MGAM: variants seen among roughly 807,000 people sequenced by gnomAD.
MGAM encodes alpha-1,4-glucosidase.
A neutral mutation model predicts 358.8 loss-of-function variants in MGAM; 253 were observed. The ratio of observed to expected loss-of-function variants is 0.71; its 90% CI spans 0.64 to 0.78. The LOEUF (loss-of-function observed/expected upper bound fraction) is 0.78, where lower values mean the gene tolerates loss of function less well. Ranked by LOEUF, MGAM falls within the 30% of genes least tolerant of loss-of-function variation. MGAM has a pLI of 0.00. For missense variants in MGAM, 3,080 were observed against 3,432.6 expected (o/e 0.90, Z 2.57); for synonymous variants, 1,105 against 1,227.1 (o/e 0.90, Z 2.08).
chr7:142,021,034 A>G lies in MGAM; in HGVS notation c.509A>G (p.Asn170Ser), dbSNP rs782073483. Residue 170 changes from asparagine (N) to serine (S), a missense_variant, in exon 5 of 71, where the codon AAT (asparagine) becomes AGT (serine). Physicochemically the swap from Asn to Ser is conservative, Grantham distance 46. Around this residue, in one of 5 missense-constraint regions of MGAM, gnomAD observed 1,816 missense variants for 1,840.5 expected, o/e 0.99. Transcript: ENST00000475668. ...SSPVFGSNVD[N>S]VLLTAEYQTS... ...CCAGTGTTTGGAAGCAATGTTGACAATGTTCTTCTCACAGCAGAATATCAG... is the reference window on the plus strand; with the variant it reads ...CCAGTGTTTGGAAGCAATGTTGACAGTGTTCTTCTCACAGCAGAATATCAG... The G allele has an allele frequency of 6.2e-7, 1 of 1,613,506 alleles. No homozygotes were observed. The highest frequency in any genetic ancestry group is 8.5e-7 in the Non-Finnish European group (1 of 1,179,706).
chr7:142,009,053 G>A (rs2128985594), intron 3 of MGAM, among the ~76,000 whole-genome samples: 1 of 152,234 alleles, frequency 6.6e-6, no homozygotes, highest in Middle Eastern at 3.4e-3. Context: ...TCTTTTATAT[G>A]GCAACACTAC....
chr7:141,999,382 G>A (rs904926055), intron 1 of MGAM, among the ~76,000 whole-genome samples: 1 of 152,112 alleles, frequency 6.6e-6, no homozygotes, highest in Non-Finnish European at 1.5e-5. Flanking sequence ...GTACACTGTG[G>A]GGCATTATAG....
chr7:142,094,563 G>C, intron 61 of MGAM, 57 bp from the exon 62 acceptor site: 1 of 1,557,468 alleles, frequency 6.4e-7, no homozygotes, highest in East Asian at 2.3e-5. Flanking sequence ...GGGAAGAGGT[G>C]AGGAGGCAGG....
chr7:142,083,932 G>T (rs552999345), intron 53 of MGAM, among the ~76,000 whole-genome samples: 1 of 144,430 alleles, frequency 6.9e-6, no homozygotes. Context: ...TGACAGTGGG[G>T]TGGTGTGAAG....
chr7:141,990,656 CTTTT>C (rs527543926), intron 2 of MGAM, among the ~76,000 whole-genome samples: 1 of 150,908 alleles, frequency 6.6e-6, no homozygotes, highest in Non-Finnish European at 1.5e-5. Flanking sequence ...TCTGTTATTT[CTTTT>C]TTTTTATGTT....
chr7:142,079,919 G>A (rs1230617631), intron 49 of MGAM, among the ~76,000 whole-genome samples: 1 of 146,478 alleles, frequency 6.8e-6, no homozygotes, highest in East Asian at 2.0e-4. Flanking sequence ...TAATGGGTTT[G>A]AAGTGAATGA....
chr7:142,103,219 A>G, intron 69 of MGAM, 50 bp from the exon 70 acceptor site: 1 of 1,442,802 alleles, frequency 6.9e-7, no homozygotes, highest in Non-Finnish European at 9.3e-7. Flanking sequence ...GGTTAGAAAA[A>G]TTTGAACTAA....
chr7:142,027,157 T>A lies in MGAM; in HGVS notation c.1025T>A (p.Ile342Asn), dbSNP rs200058369. The change falls in exon 9 of 71, where the codon ATT (isoleucine) becomes AAT (asparagine). Residue 342 changes from isoleucine (I) to asparagine (N), a missense_variant. Physicochemically the swap from Ile to Asn is moderately radical, Grantham distance 149. Coordinates refer to ENST00000475668, the MANE Select transcript of MGAM (RefSeq NM_001365693.1). Reference protein sequence around the residue: ...QPAPAITYRTIGGILDFYVFL... With the variant: ...QPAPAITYRTNGGILDFYVFL... ...GCGCCAGCCATCACTTACCGCACCATTGGGGGCATTCTCGACTTCTATGTG... is the reference window on the plus strand; with the variant it reads ...GCGCCAGCCATCACTTACCGCACCAATGGGGGCATTCTCGACTTCTATGTG... 26 of 1,613,660 alleles carry A rather than the reference T, an allele frequency of 1.6e-5. No homozygotes were observed. Among genetic ancestry groups the A allele is most frequent in the Non-Finnish European group, 5.1e-6 (6 of 1,179,712 alleles).
rs1403763422 is a variant in MGAM, at chr7:142,040,172, G to A, written c.2373+1G>A. 3.1e-6 allele frequency: 5 copies of A among 1,610,054 alleles called. No individual in the cohort carries two copies. The highest frequency in any genetic ancestry group is 3.3e-5 in the Admixed American group (2 of 59,830). ...TGCTGTCTGGTATGACTACGAGACT[G>A]TAAGTAGCTTTGACTTTTCTTCTAC... On this transcript the variant is annotated splice_donor_variant, in intron 20 of 70. Coordinates refer to ENST00000475668, the MANE Select transcript of MGAM (RefSeq NM_001365693.1). LOFTEE classifies it high-confidence loss of function.
chr7:142,025,736 A>G (rs1806906803), intron 8 of MGAM, among the ~76,000 whole-genome samples: 1 of 152,174 alleles, frequency 6.6e-6, no homozygotes, highest in Non-Finnish European at 1.5e-5. Flanking sequence ...TTTTCTAGTA[A>G]TTAATTTTCA....
Position 142,064,634 on chromosome 7 carries a change from C to T in MGAM, c.4484+112C>T, listed in dbSNP as rs1053437340. 4 of 1,384,438 alleles carry T rather than the reference C, an allele frequency of 2.9e-6. No homozygotes were observed. The East Asian group carries it at 7.5e-5, about 26-fold the overall frequency. The allele number at this position is 1,384,438 out of a possible 1,614,324, so 85.8% of individuals were successfully genotyped here. On this transcript the variant is annotated intron_variant, in intron 37 of 70. Transcript: ENST00000475668. ...CATTTCTAAGGATTAAGAAGATTCT[C>T]ATAACTCTGTAATGATTCTTATTTA...
At chr7:142,060,136 C>T (rs532056461) in intron 33 of MGAM, among the ~76,000 whole-genome samples, 170 bp downstream of exon 33, 3 of 152,366 alleles carry the variant, frequency 2.0e-5, no homozygotes, top group East Asian at 1.9e-4. Flanking sequence ...ATACAATTAA[C>T]GACTTTTAAG....
chr7:141,988,382 T>C (rs1266787763), intron 2 of MGAM, among the ~76,000 whole-genome samples: 3 of 152,104 alleles, frequency 2.0e-5, no homozygotes, highest in Non-Finnish European at 4.4e-5. Flanking sequence ...TGTTTTGTTT[T>C]GAGACAGAGT....
chr7:142,094,848 C>T lies in MGAM; in HGVS notation c.7443C>T (p.Asn2481=), dbSNP rs200007745. 2,817 of 1,613,936 alleles carry T rather than the reference C, an allele frequency of 1.7e-3. 1 individual carries two copies. The highest frequency in any genetic ancestry group is 2.3e-3 in the Non-Finnish European group (2,661 of 1,179,854). ...TTTACCCCTTCTCAAGAAACCACAA[C>T]ACCATTGGGACCAGGGTAGGACAGT... ...GAFYPFSRNH[N]TIGTRRQDPV... Residue 2481 remains asparagine (N), a synonymous_variant, in exon 63 of 71, where the codon AAC becomes AAT. Coordinates refer to ENST00000475668, the MANE Select transcript of MGAM (RefSeq NM_001365693.1).
At chr7:141,989,237 A>G (rs1803836216) in intron 2 of MGAM, among the ~76,000 whole-genome samples, 1 of 152,124 alleles carries the variant, frequency 6.6e-6, no homozygotes, top group South Asian at 2.1e-4. Flanking sequence ...TACTGTGGCT[A>G]TTCCTAAGGG....
chr7:142,073,922 A>G (rs1813537718), intron 44 of MGAM, among the ~76,000 whole-genome samples, 163 bp from the exon 45 acceptor site: 1 of 146,264 alleles, frequency 6.8e-6, no homozygotes, highest in South Asian at 2.2e-4. Flanking sequence ...CACTGTTGAT[A>G]TTATAGAAAA....
rs182596233 is a variant in MGAM, at chr7:142,052,195, G to C, written c.2806-99G>C. 80 of 1,022,188 alleles carry C rather than the reference G, an allele frequency of 7.8e-5. No individual in the cohort carries two copies. In the African/African-American group the frequency reaches 9.5e-4, roughly 12 times the overall value. 63.3% of individuals were successfully genotyped at this position (1,022,188 alleles called of 1,614,324 possible). Reference sequence around the variant, plus strand: ...TGTTGCTTGGATGTTTGAAAGTCTGGTCTAATTTCTATTTTTTTTTTATCG... The same window carrying C: ...TGTTGCTTGGATGTTTGAAAGTCTGCTCTAATTTCTATTTTTTTTTTATCG... On this transcript the variant is annotated intron_variant, in intron 24 of 70. Coordinates refer to ENST00000475668, the MANE Select transcript of MGAM (RefSeq NM_001365693.1).
Position 142,080,318 on chromosome 7 carries a change from G to A in MGAM, c.5848-473G>A, listed in dbSNP as rs942216103. Reference sequence around the variant, plus strand: ...CTGCCTTATTGAGCTCACATCCCTAGTGTCTTGTGCAGTGTCAGGCAGGGA... The same window carrying A: ...CTGCCTTATTGAGCTCACATCCCTAATGTCTTGTGCAGTGTCAGGCAGGGA... On this transcript the variant is annotated intron_variant, in intron 49 of 70. Coordinates refer to ENST00000475668, the MANE Select transcript of MGAM (RefSeq NM_001365693.1). Among the ~76,000 whole-genome samples, 6 of 146,256 alleles carry A rather than the reference G, an allele frequency of 4.1e-5. 1 individual carries two copies. Among genetic ancestry groups the A allele is most frequent in the Admixed American group, 1.4e-4 (2 of 14,480 alleles).
At chr7:142,063,468 A>G (rs1296547898) in intron 35 of MGAM, 31 bp from the exon 36 acceptor site, 2 of 1,605,728 alleles carry the variant, frequency 1.2e-6, no homozygotes, top group Non-Finnish European at 1.7e-6. Context: ...TATCTTAAAA[A>G]GTGAGGTATG....
Sources: gnomAD v4.1 joint callset for allele counts (sites outside exome capture counted in the v4.1 genomes callset) on GRCh38, gnomAD v4.1.1 for gene constraint, gnomAD v4.1.1 regional missense constraint, MANE v1.5 for transcripts, NCBI Gene and HGNC (gene_info 2026-07-23, HGNC 2026-07-21) for gene names.